The following CDYL variants were observed in gnomAD, a reference collection of about 807,000 sequenced individuals.
CDYL encodes chromodomain Y-like protein.
In CDYL, 8 loss-of-function variants were observed where a neutral mutation model predicts 47.3. The ratio of observed to expected loss-of-function variants is 0.17; its 90% CI spans 0.10 to 0.31. The LOEUF (loss-of-function observed/expected upper bound fraction) is 0.31, where lower values mean the gene tolerates loss of function less well. CDYL is among the 10% of genes least tolerant of loss of function. CDYL has a pLI of 1.00. For synonymous variants in CDYL, 266 were observed against 265.0 expected (o/e 1.00, Z -0.04); for missense variants, 471 against 701.4 (o/e 0.67, Z 3.71).
chr6:4,775,855 C>T (rs1217405916), upstream of CDYL, among the ~76,000 whole-genome samples: 1 of 150,582 alleles, frequency 6.6e-6, no homozygotes, highest in African/African-American at 2.4e-5. This position sits in a 1 kb window ranked among gnomAD's most constrained non-coding sequence, Gnocchi z 7.0. Context: ...GGCGGGCGCA[C>T]GGAGGCCGCC....
intron 2 of CDYL, among the ~76,000 whole-genome samples, chr6:4,923,969 C>T (rs1305502069): frequency 2.6e-5 from 4 of 151,964 alleles, no homozygotes; most frequent in Admixed American, 1.3e-4. Context: ...TTTAGAAGTC[C>T]CCTGGCAATC....
chr6:4,935,772 G>A lies in CDYL; in HGVS notation c.948+1G>A. 6.2e-7 allele frequency: 1 copy of A among 1,613,482 alleles called. No homozygotes were observed. The highest frequency in any genetic ancestry group is 8.5e-7 in the Non-Finnish European group (1 of 1,179,366). The stretch of plus-strand genomic sequence containing the variant: ...AGAGAATAACTCACTAAATCCAGAG[G>A]TGAGAGGCGCTCTTGGGCTGGCGTG... On this transcript the variant is annotated splice_donor_variant, in intron 3 of 6. Transcript: ENST00000397588. LOFTEE classifies it high-confidence loss of function.
intron 5 of CDYL, among the ~76,000 whole-genome samples, chr6:4,951,365 C>G (rs148553807): frequency 0.015 from 2,313 of 152,084 alleles, 62 homozygotes; most frequent in African/African-American, 0.051. Flanking sequence ...CCCTTCCCGC[C>G]TTATCTCGGC....
At chr6:4,910,749 G>A (rs1432455578) in intron 2 of CDYL, among the ~76,000 whole-genome samples, 1 of 152,220 alleles carries the variant, frequency 6.6e-6, no homozygotes, top group Non-Finnish European at 1.5e-5. Flanking sequence ...AGTGTTGGAA[G>A]CGATGGTTTG....
rs11965892 is a variant in CDYL, at chr6:4,884,615, G to T, written c.25-7098G>T. On this transcript the variant is annotated intron_variant, in intron 1 of 6. Coordinates refer to ENST00000397588, the MANE Select transcript of CDYL (RefSeq NM_004824.4). ...GTGGACTGTCTTTTCAGTAGTGTTG[G>T]TGTAAGCAGTTAGCCTCGGAGACAA... Among the ~76,000 whole-genome samples, 632 of 152,314 alleles carry T rather than the reference G, an allele frequency of 4.1e-3. 1 individual carries two copies. Among genetic ancestry groups the T allele is most frequent in the African/African-American group, 0.014 (594 of 41,566 alleles).
intron 2 of CDYL, among the ~76,000 whole-genome samples, chr6:4,933,261 C>A (rs577029061): frequency 6.6e-6 from 1 of 152,206 alleles, no homozygotes; most frequent in African/African-American, 2.4e-5. Flanking sequence ...ACCCTGACTT[C>A]CCTCCCCTGA....
chr6:4,753,191 A>T (rs1758024910), intron 3 of CDYL, among the ~76,000 whole-genome samples: 1 of 152,160 alleles, frequency 6.6e-6, no homozygotes, highest in African/African-American at 2.4e-5. Flanking sequence ...GATGGAAAGC[A>T]TGAGCCACGG....
chr6:4,825,059 C>G (rs1460613029), intron 1 of CDYL, among the ~76,000 whole-genome samples: 8 of 152,042 alleles, frequency 5.3e-5, no homozygotes, highest in African/African-American at 1.9e-4. Flanking sequence ...TTAGTAGAGA[C>G]AGGGTTTTAC....
chr6:4,722,430 T>G (rs937348285), intron 2 of CDYL, among the ~76,000 whole-genome samples: 3 of 152,070 alleles, frequency 2.0e-5, no homozygotes, highest in Non-Finnish European at 2.9e-5. Context: ...ACACAAAAAC[T>G]AATTAAATTA....
intron 1 of CDYL, among the ~76,000 whole-genome samples, chr6:4,871,306 T>C (rs1761465935): frequency 6.6e-6 from 1 of 152,180 alleles, no homozygotes; most frequent in African/African-American, 2.4e-5. Context: ...AGGCTTCCAC[T>C]CCCTGCTGTT....
intron 1 of CDYL, among the ~76,000 whole-genome samples, chr6:4,815,104 T>TA (rs1168542467): frequency 1.3e-5 from 2 of 152,200 alleles, no homozygotes; most frequent in African/African-American, 4.8e-5. Flanking sequence ...TAATAGTACA[T>TA]GCTTATGCTT....
intron 3 of CDYL, among the ~76,000 whole-genome samples, chr6:4,743,739 G>A (rs1022067224): frequency 1.3e-5 from 2 of 152,114 alleles, no homozygotes; most frequent in African/African-American, 4.8e-5. Context: ...ATATTGATTA[G>A]GATAAGGTTT....
chr6:4,812,180 C>T (rs967486546), intron 1 of CDYL, among the ~76,000 whole-genome samples: 5 of 152,300 alleles, frequency 3.3e-5, no homozygotes, highest in Non-Finnish European at 4.4e-5. Context: ...TGTACACAAA[C>T]GATATGATGT....
At chr6:4,837,743 A>C (rs1197193013) in intron 1 of CDYL, among the ~76,000 whole-genome samples, 3 of 151,328 alleles carry the variant, frequency 2.0e-5, no homozygotes, top group Non-Finnish European at 4.4e-5. Flanking sequence ...GCTTACAGGC[A>C]CATGAGCCAC....
chr6:4,848,378 G>T (rs1390606714), intron 1 of CDYL, among the ~76,000 whole-genome samples: 3 of 152,126 alleles, frequency 2.0e-5, no homozygotes, highest in Non-Finnish European at 4.4e-5. Context: ...TTAAAAAGTT[G>T]TCAGAATTAC....
At chr6:4,760,505 T>C (rs921855958) in intron 3 of CDYL, among the ~76,000 whole-genome samples, 2 of 152,068 alleles carry the variant, frequency 1.3e-5, no homozygotes, top group African/African-American at 4.8e-5. Flanking sequence ...TCATCATGGA[T>C]TGGTCAGAAA....
At chr6:4,821,716 C>G (rs55653939) in intron 1 of CDYL, among the ~76,000 whole-genome samples, 1 of 149,774 alleles carries the variant, frequency 6.7e-6, no homozygotes. Flanking sequence ...AGCCTGGGCT[C>G]TAGAGCAAGA....
chr6:4,859,969 T>C (rs1761116699), intron 1 of CDYL, among the ~76,000 whole-genome samples: 1 of 151,374 alleles, frequency 6.6e-6, no homozygotes, highest in Non-Finnish European at 1.5e-5. Context: ...TGGCGCAATC[T>C]CGGCTCACTG....
Position 4,808,902 on chromosome 6 carries a change from C to T in CDYL, c.24+32095C>T, listed in dbSNP as rs1211806403. The stretch of plus-strand genomic sequence containing the variant: ...ACTGCTTGGATTCCATTTTTTTGTT[C>T]CCCATACACACATCCTGGTTGATTG... On this transcript the variant is annotated intron_variant, in intron 1 of 6. Coordinates refer to ENST00000397588, the MANE Select transcript of CDYL (RefSeq NM_004824.4). Among the ~76,000 whole-genome samples the T allele has an allele frequency of 2.0e-5, 3 of 151,876 alleles. No individual in the cohort carries two copies. The East Asian group carries it at 5.8e-4, about 29-fold the overall frequency.
Sources: gnomAD v4.1 joint callset for allele counts (sites outside exome capture counted in the v4.1 genomes callset) on GRCh38, gnomAD v4.1.1 for gene constraint, Gnocchi (gnomAD v3.1) non-coding constraint, MANE v1.5 for transcripts, NCBI Gene and HGNC (gene_info 2026-07-23, HGNC 2026-07-21) for gene names.